Variants in GRM7 observed in about 807,000 individuals in gnomAD.
GRM7 encodes glutamate metabotropic receptor 7.
In GRM7, 35 loss-of-function variants were observed where a neutral mutation model predicts 84.5. That is an observed-to-expected ratio of 0.41 (90% CI 0.32 to 0.55). The LOEUF (loss-of-function observed/expected upper bound fraction) is 0.55. Ranked by LOEUF, GRM7 falls within the 20% of genes least tolerant of loss-of-function variation. The pLI is 0.19. For synonymous variants in GRM7, 487 were observed against 455.1 expected (o/e 1.07, Z -0.89); for missense variants, 1,003 against 1,194.6 (o/e 0.84, Z 2.36).
chr3:7,063,707 AACTCCC>A (rs1697514457), intron 1 of GRM7, among the ~76,000 whole-genome samples: 1 of 120,886 alleles, frequency 8.3e-6, no homozygotes, highest in African/African-American at 3.5e-5. Flanking sequence ...TCATAGGTGA[AACTCCC>A]AGTTGGGAGA....
intron 8 of GRM7, among the ~76,000 whole-genome samples, chr3:7,611,636 A>G (rs1038692521): frequency 6.6e-6 from 1 of 152,204 alleles, no homozygotes; most frequent in Non-Finnish European, 1.5e-5. Flanking sequence ...GAGCCCAACT[A>G]GAATAGCTCT....
intron 7 of GRM7, among the ~76,000 whole-genome samples, chr3:7,502,159 C>G (rs1699904300): frequency 6.6e-6 from 1 of 152,168 alleles, no homozygotes; most frequent in Non-Finnish European, 1.5e-5. Context: ...CGCACTCTTG[C>G]AGAGCAGAGG....
chr3:7,122,746 C>T (rs1271042554), intron 1 of GRM7, among the ~76,000 whole-genome samples: 1 of 152,296 alleles, frequency 6.6e-6, no homozygotes, highest in South Asian at 2.1e-4. Flanking sequence ...CTGCATCTAG[C>T]ACATATTATT....
In GRM7 at chr3:7,677,524, T is replaced by C. The variant is rs568719576; in HGVS notation, c.2452-2525T>C. Among the ~76,000 whole-genome samples, 139 of 152,252 alleles carry C rather than the reference T, an allele frequency of 9.1e-4. 2 individuals are homozygous for C. The South Asian group carries it at 0.026, about 29-fold the overall frequency. On this transcript the variant is annotated intron_variant, in intron 8 of 9. Transcript: ENST00000357716. ...ATCTGCATTCTTATCCACTGTGCTA[T>C]GTCAAGAGGATTCAGGGATGGAGGG...
At chr3:7,081,532 G>A (rs1214467991) in intron 1 of GRM7, among the ~76,000 whole-genome samples, 1 of 152,048 alleles carries the variant, frequency 6.6e-6, no homozygotes, top group Non-Finnish European at 1.5e-5. Context: ...ATAATGAAGA[G>A]AGACCAGTTA....
chr3:7,271,430 G>T (rs923084588), intron 2 of GRM7, among the ~76,000 whole-genome samples: 5 of 151,774 alleles, frequency 3.3e-5, no homozygotes, highest in African/African-American at 1.2e-4. Context: ...GTGGTGGCGG[G>T]CGCCTGTAGT....
chr3:7,406,772 T>G lies in GRM7; in HGVS notation c.1034-8251T>G, dbSNP rs143061768. On this transcript the variant is annotated intron_variant, in intron 4 of 9. Coordinates refer to ENST00000357716, the MANE Select transcript of GRM7 (RefSeq NM_000844.4). ...AATCACCTAGTGCTTTAAATGCCTT[T>G]TCAAAAATGCATATCCTTTTTCCAT... Among the ~76,000 whole-genome samples the G allele has an allele frequency of 3.4e-3, 525 of 152,316 alleles. 4 individuals are homozygous for G. Among genetic ancestry groups the G allele is most frequent in the South Asian group, 0.025 (123 of 4,824 alleles).
At chr3:7,727,870 C>T (rs1037635393) in intron 9 of GRM7, among the ~76,000 whole-genome samples, 2 of 152,188 alleles carry the variant, frequency 1.3e-5, no homozygotes, top group East Asian at 1.9e-4. Context: ...ATACACAGTC[C>T]TTGGGACATT....
At chr3:7,094,780 A>C (rs946347025) in intron 1 of GRM7, among the ~76,000 whole-genome samples, 4 of 152,126 alleles carry the variant, frequency 2.6e-5, no homozygotes, top group Non-Finnish European at 4.4e-5. Context: ...AAATGTGTTC[A>C]ATAATTTTAG....
intron 1 of GRM7, among the ~76,000 whole-genome samples, chr3:7,131,324 A>G (rs1208490079): frequency 6.6e-6 from 1 of 152,110 alleles, no homozygotes; most frequent in Non-Finnish European, 1.5e-5. Context: ...CGTCTACTTG[A>G]ATCCTTGGGG....
chr3:7,250,608 C>T (rs2124938084), intron 2 of GRM7, among the ~76,000 whole-genome samples: 2 of 152,222 alleles, frequency 1.3e-5, no homozygotes, highest in Non-Finnish European at 2.9e-5. Context: ...ACTGTAACCG[C>T]CACCTCCTGG....
Position 6,862,767 on chromosome 3 carries a change from A to G in GRM7, c.519+860A>G, listed in dbSNP as rs956995702. On this transcript the variant is annotated intron_variant, in intron 1 of 9. Transcript: ENST00000357716. The surrounding 1 kb of genome is among the most constrained non-coding windows in gnomAD (Gnocchi z 5.2). ...CACTATCTCCCTGACGCAGACCCCAAGCCAAATCCTCGGCTTGGAGGACGA... is the reference window on the plus strand; with the variant it reads ...CACTATCTCCCTGACGCAGACCCCAGGCCAAATCCTCGGCTTGGAGGACGA... 6.3e-6 allele frequency: 2 copies of G among 319,678 alleles called. No homozygotes were observed. The highest frequency in any genetic ancestry group is 4.6e-5 in the African/African-American group (2 of 43,742). The allele number at this position is 319,678 out of a possible 1,614,324, so 19.8% of individuals were successfully genotyped here. A position where few individuals can be genotyped will look rare whatever the true frequency, so the allele number is the denominator to read the frequency against.
At chr3:6,915,321 C>T (rs951572756) in intron 1 of GRM7, among the ~76,000 whole-genome samples, 1 of 152,078 alleles carries the variant, frequency 6.6e-6, no homozygotes, top group African/African-American at 2.4e-5. Flanking sequence ...TGGTGGTTGT[C>T]GTTGCTGTTG....
intron 2 of GRM7, among the ~76,000 whole-genome samples, chr3:7,200,296 C>A (rs1696021702): frequency 6.6e-6 from 1 of 152,158 alleles, no homozygotes; most frequent in South Asian, 2.1e-4. Context: ...TTGATGGGAA[C>A]AAACCACATT....
chr3:7,217,206 A>G (rs1696644155), intron 2 of GRM7, among the ~76,000 whole-genome samples: 1 of 152,216 alleles, frequency 6.6e-6, no homozygotes, highest in South Asian at 2.1e-4. Flanking sequence ...ACCTTACGGA[A>G]TTACAAATGG....
Position 7,663,072 on chromosome 3 carries a change from T to C in GRM7, c.2452-16977T>C, listed in dbSNP as rs114070990. 4.2e-3 allele frequency among the ~76,000 whole-genome samples: 635 copies of C among 152,286 alleles called. 3 individuals are homozygous for C. Among genetic ancestry groups the C allele is most frequent in the African/African-American group, 0.014 (569 of 41,542 alleles). On this transcript the variant is annotated intron_variant, in intron 8 of 9. Transcript: ENST00000357716. ...ACATTTAGAATAGTCTTGATTTTAA[T>C]TGGAACTGAGATGCCCATGAGGGTT...
intron 2 of GRM7, among the ~76,000 whole-genome samples, chr3:7,159,296 G>A (rs1694549330): frequency 6.6e-6 from 1 of 152,142 alleles, no homozygotes; most frequent in South Asian, 2.1e-4. Flanking sequence ...GGTGAAATAT[G>A]TATTCTAAAG....
intron 1 of GRM7, among the ~76,000 whole-genome samples, chr3:6,946,524 GATTGAC>G (rs1333772093): frequency 7.9e-5 from 12 of 152,320 alleles, no homozygotes; most frequent in African/African-American, 2.9e-4. Context: ...TTTGGCTTAG[GATTGAC>G]ATGGCAATGC....
At chr3:7,468,809 T>G (rs1698570252) in intron 7 of GRM7, among the ~76,000 whole-genome samples, 1 of 152,180 alleles carries the variant, frequency 6.6e-6, no homozygotes, top group Non-Finnish European at 1.5e-5. Flanking sequence ...TTTCACTCCT[T>G]TCTCCTGCCA....
Sources: gnomAD v4.1 joint callset for allele counts (sites outside exome capture counted in the v4.1 genomes callset) on GRCh38, gnomAD v4.1.1 for gene constraint, Gnocchi (gnomAD v3.1) non-coding constraint, MANE v1.5 for transcripts, NCBI Gene and HGNC (gene_info 2026-07-23, HGNC 2026-07-21) for gene names.